The following GOLGB1 variants were observed in gnomAD, a reference collection of about 807,000 sequenced individuals.
GOLGB1 encodes golgin B1.
A neutral mutation model predicts 336.9 loss-of-function variants in GOLGB1; 174 were observed. That is an observed-to-expected ratio of 0.52 (90% CI 0.46 to 0.59). The LOEUF (loss-of-function observed/expected upper bound fraction) is 0.59. Among genes scored for constraint, GOLGB1 ranks in the 20% least tolerant of loss-of-function variants. The probability of loss-of-function intolerance (pLI) is 0.00; values close to 1 mark genes in which losing one functional copy is unlikely to be tolerated. For synonymous variants in GOLGB1, 1,208 were observed against 1,289.2 expected (o/e 0.94, Z 1.35); for missense variants, 3,331 against 3,645.3 (o/e 0.91, Z 2.22).
intron 4 of GOLGB1, among the ~76,000 whole-genome samples, chr3:121,727,293 C>T (rs552599822): frequency 0.12 from 3,397 of 27,348 alleles, 477 homozygotes; most frequent in East Asian, 0.31. Flanking sequence ...CACACACACA[C>T]ATATATATAT....
chr3:121,745,978 G>A (rs1044179149), intron 1 of GOLGB1, among the ~76,000 whole-genome samples: 4 of 152,112 alleles, frequency 2.6e-5, no homozygotes, highest in Non-Finnish European at 5.9e-5. Flanking sequence ...TATAAAGCAT[G>A]TCCCTAGCCA....
chr3:121,675,373 CT>C (rs1039823961), intron 17 of GOLGB1, among the ~76,000 whole-genome samples: 1 of 151,994 alleles, frequency 6.6e-6, no homozygotes, highest in Admixed American at 6.6e-5. Context: ...TACCTCATTT[CT>C]TTTTTTTGTA....
In GOLGB1 at chr3:121,694,746, T is replaced by A. The variant is rs759858442; in HGVS notation, c.5777A>T (p.Asp1926Val). ...TTGATTCATAAGCCTCTCTTCCAAA[T>A]CATCTTTCTCTTCTTCTGCTGTCTC... ...LKETAEEEKD[D>V]LEERLMNQLA... Residue 1926 changes from aspartate to valine, a missense_variant, in exon 13 of 22, where the codon GAT (aspartate) becomes GTT (valine). Physicochemically the swap from Asp to Val is radical, Grantham distance 152. Coordinates refer to ENST00000614479, the MANE Select transcript of GOLGB1 (RefSeq NM_001366282.2). 1.7e-5 allele frequency: 28 copies of A among 1,612,708 alleles called. No homozygotes were observed. In the South Asian group the frequency reaches 2.9e-4, roughly 16 times the overall value.
Position 121,694,361 on chromosome 3 carries a change from T to G in GOLGB1, c.6162A>C (p.Gln2054His). 2 of 1,613,332 alleles carry G rather than the reference T, an allele frequency of 1.2e-6. No individual in the cohort carries two copies. Among genetic ancestry groups the G allele is most frequent in the Admixed American group, 1.7e-5 (1 of 59,970 alleles). Reference sequence around the variant, plus strand: ...TTTCCAAATCTTTTTGAGATTCAGTTTGAACAAATTCTAGAGCTTTAACAG... The same window carrying G: ...TTTCCAAATCTTTTTGAGATTCAGTGTGAACAAATTCTAGAGCTTTAACAG... ...ERTVKALEFV[Q>H]TESQKDLEIT... Residue 2054 changes from glutamine to histidine, a missense_variant, in exon 13 of 22, where the codon CAA becomes CAC. Physicochemically the swap from Gln to His is conservative, Grantham distance 24 (BLOSUM62 0). Transcript: ENST00000614479.
intron 18 of GOLGB1, 132 bp downstream of exon 18, chr3:121,669,080 C>T (rs1254781843): frequency 3.6e-6 from 3 of 844,256 alleles, no homozygotes; most frequent in Middle Eastern, 3.7e-4. Context: ...TCTCAATTAA[C>T]TCTTTCTTCT....
rs1182054860 is a variant in GOLGB1 at position 121,694,730 on chromosome 3, A to G, written c.5793T>C (p.Leu1931=). The change falls in exon 13 of 22, where the codon CTT becomes CTC. Residue 1931 remains leucine, a synonymous_variant. Coordinates refer to ENST00000614479, the MANE Select transcript of GOLGB1 (RefSeq NM_001366282.2). ...CATTAAGTTCTGCTAATTGATTCATAAGCCTCTCTTCCAAATCATCTTTCT... is the reference window on the plus strand; with the variant it reads ...CATTAAGTTCTGCTAATTGATTCATGAGCCTCTCTTCCAAATCATCTTTCT... ...EEEKDDLEER[L]MNQLAELNGS... is the part of the protein sequence containing the mutation. 2 of 1,612,418 alleles carry G rather than the reference A, an allele frequency of 1.2e-6. No individual in the cohort carries two copies. Among genetic ancestry groups the G allele is most frequent in the South Asian group, 2.2e-5 (2 of 91,078 alleles).
At chr3:121,720,783 C>T (rs1245097115) in intron 6 of GOLGB1, among the ~76,000 whole-genome samples, 1 of 152,156 alleles carries the variant, frequency 6.6e-6, no homozygotes, top group Admixed American at 6.5e-5. Flanking sequence ...GTTTTGCTCA[C>T]ACCGTTCCCC....
intron 2 of GOLGB1, 26 bp downstream of exon 2, chr3:121,730,850 G>T (rs770931079): frequency 4.4e-6 from 7 of 1,595,212 alleles, no homozygotes; most frequent in Non-Finnish European, 6.0e-6. Flanking sequence ...TGTCTTACCA[G>T]TTTAAATCAG....
At chr3:121,684,440 T>G (rs919275149) in intron 14 of GOLGB1, among the ~76,000 whole-genome samples, 2 of 151,998 alleles carry the variant, frequency 1.3e-5, no homozygotes, top group Non-Finnish European at 2.9e-5. Context: ...TATGATTTCT[T>G]AGATTCAAAG....
At chr3:121,743,275 C>T (rs898800889) in intron 1 of GOLGB1, among the ~76,000 whole-genome samples, 2 of 152,096 alleles carry the variant, frequency 1.3e-5, no homozygotes, top group African/African-American at 4.8e-5. Flanking sequence ...CCATGGAATA[C>T]TATGCAGCCA....
chr3:121,710,533 C>A (rs1304983696), intron 10 of GOLGB1, among the ~76,000 whole-genome samples: 1 of 152,148 alleles, frequency 6.6e-6, no homozygotes, highest in Non-Finnish European at 1.5e-5. Context: ...TATATATGCA[C>A]ATTTTTTTCA....
At chr3:121,743,982 A>T (rs181479551) in intron 1 of GOLGB1, among the ~76,000 whole-genome samples, 35 of 152,340 alleles carry the variant, frequency 2.3e-4, no homozygotes, top group African/African-American at 7.5e-4. Context: ...ATCATTAATT[A>T]TTATGAAATC....
chr3:121,722,192 C>G (rs1945243794), intron 6 of GOLGB1, 70 bp downstream of exon 6: 1 of 822,822 alleles, frequency 1.2e-6, no homozygotes, highest in African/African-American at 1.7e-5. Context: ...AAGTGACTCA[C>G]TGAATTGACT....
chr3:121,706,293 C>T (rs1943815722), intron 10 of GOLGB1, among the ~76,000 whole-genome samples: 1 of 151,930 alleles, frequency 6.6e-6, no homozygotes, highest in African/African-American at 2.4e-5. Context: ...AAACTATAAA[C>T]ACAGAGATTG....
At chr3:121,677,579 C>A in intron 15 of GOLGB1, 129 bp from the exon 16 acceptor site, 2 of 647,474 alleles carry the variant, frequency 3.1e-6, no homozygotes, top group Non-Finnish European at 5.2e-6. Flanking sequence ...GAAAGAAAGG[C>A]TAAGAAAAAG....
At chr3:121,705,990 TGA>T (rs1420002854) in intron 10 of GOLGB1, among the ~76,000 whole-genome samples, 1 of 152,000 alleles carries the variant, frequency 6.6e-6, no homozygotes, top group Non-Finnish European at 1.5e-5. Context: ...AGAATTTAAC[TGA>T]GTCGCATAAA....
chr3:121,696,293 T>C lies in GOLGB1; in HGVS notation c.4230A>G (p.Glu1410=). Residue 1410 remains glutamate (E), a synonymous_variant, in exon 13 of 22, where the codon GAA becomes GAG. Transcript: ENST00000614479. ...GTCCAGAAAGGTAGCTAACGTCTTC[T>C]TCCTTTTTGCTTATGAGTTTTTGCA... ...DELQKLISKK[E]EDVSYLSGQL... 1 of 1,614,118 alleles carries C rather than the reference T, an allele frequency of 6.2e-7. No homozygotes were observed. The highest frequency in any genetic ancestry group is 8.5e-7 in the Non-Finnish European group (1 of 1,179,996).
At position 121,697,576 on chromosome 3, in the gene GOLGB1, G is replaced by C. The variant is rs1227381746; in HGVS notation, c.2947C>G (p.Gln983Glu). 1.2e-6 allele frequency: 2 copies of C among 1,613,518 alleles called. No individual in the cohort carries two copies. The highest frequency in any genetic ancestry group is 1.7e-6 in the Non-Finnish European group (2 of 1,179,954). ...TTCTTCAGAAGGTCAAATTCATGCT[G>C]AAGTTCTTCCTTACTTATTTGTCCT... ...PAGQISKEEL[Q>E]HEFDLLKKEN... The change falls in exon 13 of 22, where the codon CAG becomes GAG. Residue 983 changes from glutamine to glutamate, a missense_variant. Transcript: ENST00000614479.
chr3:121,684,021 A>G (rs1460962854), intron 14 of GOLGB1, among the ~76,000 whole-genome samples: 1 of 149,870 alleles, frequency 6.7e-6, no homozygotes, highest in African/African-American at 2.4e-5. Flanking sequence ...CCAGCTACTC[A>G]TTAGGCTGAG....
Sources: allele counts gnomAD v4.1 joint callset (sites outside exome capture counted in the v4.1 genomes callset), GRCh38; gene constraint gnomAD v4.1.1; transcripts MANE v1.5; gene names NCBI Gene and HGNC (gene_info 2026-07-23, HGNC 2026-07-21).